ITGB1: variants seen among roughly 807,000 people sequenced by gnomAD.
The protein encoded by ITGB1 is integrin beta-1.
A neutral mutation model predicts 86.5 loss-of-function variants in ITGB1; 24 were observed. The ratio of observed to expected loss-of-function variants is 0.28; its 90% CI spans 0.20 to 0.39. The LOEUF (loss-of-function observed/expected upper bound fraction) is 0.39. ITGB1 is among the 10% of genes least tolerant of loss of function. The pLI, the probability that ITGB1 is intolerant of heterozygous loss-of-function variation, is 1.00. For missense variants in ITGB1, 556 were observed against 946.9 expected (o/e 0.59, Z 5.42); for synonymous variants, 323 against 316.8 (o/e 1.02, Z -0.21).
intron 15 of ITGB1, among the ~76,000 whole-genome samples, chr10:32,907,697 C>T (rs2094900652): frequency 6.6e-6 from 1 of 152,026 alleles, no homozygotes; most frequent in African/African-American, 2.4e-5. Flanking sequence ...CCAGAATGTC[C>T]TCTAAATGGA....
chr10:32,934,843 T>C (rs975315470), intron 2 of ITGB1, among the ~76,000 whole-genome samples: 15 of 152,208 alleles, frequency 9.9e-5, no homozygotes, highest in African/African-American at 3.4e-4. Flanking sequence ...TTACTGATTT[T>C]ATGTAACTAA....
intron 1 of ITGB1, among the ~76,000 whole-genome samples, chr10:32,938,382 G>A (rs1483315597): frequency 6.6e-6 from 1 of 152,198 alleles, no homozygotes; most frequent in Non-Finnish European, 1.5e-5. Flanking sequence ...TGTTTCTTCA[G>A]GATACAACTC....
chr10:32,925,755 G>A (rs950568315), intron 6 of ITGB1, 116 bp downstream of exon 6: 2 of 723,156 alleles, frequency 2.8e-6, no homozygotes, highest in Admixed American at 4.5e-5. Context: ...ACTTCTCTAA[G>A]ATAATCAAAT....
chr10:32,931,531 T>C (rs541852880), intron 3 of ITGB1, among the ~76,000 whole-genome samples: 8 of 152,284 alleles, frequency 5.3e-5, no homozygotes, highest in Non-Finnish European at 1.2e-4. Flanking sequence ...TTCAGTTACA[T>C]AAGCCTTGCC....
intron 1 of ITGB1, chr10:32,955,666 T>C (rs1211987526): frequency 6.6e-6 from 1 of 152,212 alleles, no homozygotes; most frequent in Non-Finnish European, 1.5e-5. Context: ...TTTTCATTAT[T>C]ATAATATGAC....
chr10:32,950,852 C>A (rs1325096890), intron 1 of ITGB1, among the ~76,000 whole-genome samples: 3 of 152,152 alleles, frequency 2.0e-5, no homozygotes, highest in Non-Finnish European at 4.4e-5. Flanking sequence ...GCTCACAACA[C>A]GGCGAGATAC....
chr10:32,950,346 T>C (rs2095040192), intron 1 of ITGB1, among the ~76,000 whole-genome samples: 1 of 152,154 alleles, frequency 6.6e-6, no homozygotes, highest in Non-Finnish European at 1.5e-5. Context: ...GAAATCTTTC[T>C]GAATTCTGTA....
chr10:32,931,885 A>G (rs2094984584), intron 3 of ITGB1, among the ~76,000 whole-genome samples: 1 of 152,130 alleles, frequency 6.6e-6, no homozygotes, highest in Non-Finnish European at 1.5e-5. Flanking sequence ...TGACTCACTG[A>G]ACATTTAGTA....
At chr10:32,923,561 C>G (rs1565824785) in intron 7 of ITGB1, 24 bp downstream of exon 7, 10 of 1,584,952 alleles carry the variant, frequency 6.3e-6, no homozygotes, top group Non-Finnish European at 7.8e-6. Context: ...AACACATTCA[C>G]TATGTAAGGA....
At chr10:32,924,246 A>G (rs1288177184) in intron 6 of ITGB1, among the ~76,000 whole-genome samples, 2 of 152,188 alleles carry the variant, frequency 1.3e-5, no homozygotes, top group Non-Finnish European at 2.9e-5. Context: ...TATAACAGAA[A>G]TAAGTATCTT....
At chr10:32,913,612 G>T (rs2094921132) in intron 11 of ITGB1, among the ~76,000 whole-genome samples, 1 of 151,602 alleles carries the variant, frequency 6.6e-6, no homozygotes, top group Admixed American at 6.6e-5. Flanking sequence ...GAAGTTTAGA[G>T]AAAAAAAAGA....
At chr10:32,932,180 G>C (rs1345901448) in intron 3 of ITGB1, among the ~76,000 whole-genome samples, 3 of 151,806 alleles carry the variant, frequency 2.0e-5, no homozygotes, top group Admixed American at 6.6e-5. Context: ...TTGTTTAGTA[G>C]CCACACTAAA....
At chr10:32,912,241 C>T in intron 11 of ITGB1, 117 bp from the exon 12 acceptor site, 2 of 780,980 alleles carry the variant, frequency 2.6e-6, no homozygotes, top group Non-Finnish European at 4.1e-6. Flanking sequence ...ACACAGAAGA[C>T]AGGTGGTTTC....
At chr10:32,936,520 A>T (rs906174504) in intron 1 of ITGB1, among the ~76,000 whole-genome samples, 1 of 151,296 alleles carries the variant, frequency 6.6e-6, no homozygotes, top group Non-Finnish European at 1.5e-5. Flanking sequence ...CAGACCCCCC[A>T]CCTCTCCCCC....
intron 15 of ITGB1, among the ~76,000 whole-genome samples, chr10:32,904,238 T>G (rs1266311161): frequency 1.3e-5 from 2 of 152,102 alleles, no homozygotes; most frequent in African/African-American, 4.8e-5. Flanking sequence ...TAAACTAAAA[T>G]AATTCAAATT....
intron 3 of ITGB1, among the ~76,000 whole-genome samples, chr10:32,931,417 G>T (rs2137229681): frequency 6.6e-6 from 1 of 152,182 alleles, no homozygotes; most frequent in East Asian, 1.9e-4. Flanking sequence ...CACTTATTTA[G>T]AAGTTTTTAA....
Position 32,901,650 on chromosome 10 carries a change from AAGTG to A in ITGB1, c.2332-19_2332-16del. On this transcript the variant is annotated splice_polypyrimidine_tract_variant and intron_variant, in intron 15 of 15. Coordinates refer to ENST00000302278, the MANE Select transcript of ITGB1 (RefSeq NM_002211.4). ...GGATTTTCACCCTACAACAAAAAAA[AAGTG>A]AGAAAAATTATCAGTTACCCTACTA... is the stretch of plus-strand genomic sequence containing the variant. 1 of 1,548,878 alleles carries A rather than the reference AAGTG, an allele frequency of 6.5e-7. No individual in the cohort carries two copies.
rs1286096679 is a variant in ITGB1 at position 32,955,609 on chromosome 10, G to C, written c.-1+2536C>G. The stretch of plus-strand genomic sequence containing the variant: ...AACAATAAAAGCATTACAATCAGTG[G>C]CAAGCACGCTTAGGAAAACTGGCAC... On this transcript the variant is annotated intron_variant, in intron 1 of 15. Transcript: ENST00000302278. 2.0e-5 allele frequency: 3 copies of C among 152,166 alleles called. No individual in the cohort carries two copies. The East Asian group carries it at 5.8e-4, about 29-fold the overall frequency. 9.4% of individuals were successfully genotyped at this position (152,166 alleles called of 1,614,324 possible).
At position 32,928,087 on chromosome 10, in the gene ITGB1, T is replaced by C; in HGVS notation, c.547+7A>G. On this transcript the variant is annotated splice_region_variant and intron_variant, in intron 5 of 15. Coordinates refer to ENST00000302278, the MANE Select transcript of ITGB1 (RefSeq NM_002211.4). ...ATGAAAATGGTCAATGTTCCCAACATTCCTACCAATTCTGAAGTCCGAAGT... is the reference window on the plus strand; with the variant it reads ...ATGAAAATGGTCAATGTTCCCAACACTCCTACCAATTCTGAAGTCCGAAGT... 1 of 1,529,418 alleles carries C rather than the reference T, an allele frequency of 6.5e-7. No individual in the cohort carries two copies. The highest frequency in any genetic ancestry group is 1.2e-5 in the South Asian group (1 of 84,476). 94.7% of individuals were successfully genotyped at this position (1,529,418 alleles called of 1,614,324 possible).
Sources: allele counts gnomAD v4.1 joint callset (sites outside exome capture counted in the v4.1 genomes callset), GRCh38; gene constraint gnomAD v4.1.1; transcripts MANE v1.5; gene names NCBI Gene and HGNC (gene_info 2026-07-23, HGNC 2026-07-21).